SNX24: variants seen among roughly 807,000 people sequenced by gnomAD.
SNX24 encodes the protein sorting nexin 24.
In SNX24, 22 loss-of-function variants were observed where a neutral mutation model predicts 28.7. That is an observed-to-expected ratio of 0.77 (90% confidence interval 0.55 to 1.10). The LOEUF is 1.10. Among genes scored for constraint, SNX24 ranks in the 50% least tolerant of loss-of-function variants. The probability of loss-of-function intolerance (pLI) is 0.00; values close to 1 mark genes in which losing one functional copy is unlikely to be tolerated. For missense variants in SNX24, 221 were observed against 201.1 expected (o/e 1.10, Z -0.60); for synonymous variants, 69 against 71.5 (o/e 0.96, Z 0.18).
intron 1 of SNX24, among the ~76,000 whole-genome samples, chr5:122,880,982 A>T (rs1382557938): frequency 6.6e-6 from 1 of 152,178 alleles, no homozygotes; most frequent in Non-Finnish European, 1.5e-5. Context: ...CCTGAAACAC[A>T]TTCTGTGGTA....
chr5:123,008,061 ACT>A lies in SNX24; in HGVS notation c.*317_*318del, dbSNP rs199716744. The A allele has an allele frequency of 0.011, 11,636 of 1,067,978 alleles. 81 individuals are homozygous for A. The highest frequency in any genetic ancestry group is 0.012 in the Non-Finnish European group (10,856 of 882,990). The allele number at this position is 1,067,978 out of a possible 1,614,324, so 66.2% of individuals were successfully genotyped here. On this transcript the variant is annotated 3_prime_UTR_variant, in exon 7 of 7. Coordinates refer to ENST00000261369, the MANE Select transcript of SNX24 (RefSeq NM_014035.4). ...GCACTGGGTGTAGCAAAACAAAGCC[ACT>A]CTCTGCTTCAGTCGCACCATTTGCT...
downstream of SNX24, among the ~76,000 whole-genome samples, chr5:123,012,451 G>C (rs564240708): frequency 6.6e-6 from 1 of 152,170 alleles, no homozygotes; most frequent in Non-Finnish European, 1.5e-5. Flanking sequence ...AGTATCTAGC[G>C]TAGTCAAATT....
chr5:122,997,695 C>T (rs544954327), intron 3 of SNX24, among the ~76,000 whole-genome samples: 3 of 152,106 alleles, frequency 2.0e-5, no homozygotes, highest in Non-Finnish European at 4.4e-5. Context: ...GTCTAAAGAT[C>T]CTGGAAATTA....
At chr5:122,964,463 T>C (rs1258348539) in intron 3 of SNX24, among the ~76,000 whole-genome samples, 1 of 151,968 alleles carries the variant, frequency 6.6e-6, no homozygotes, top group Non-Finnish European at 1.5e-5. Flanking sequence ...GCCCATAATG[T>C]CAAAATTATA....
At chr5:123,029,189 A>G in intron 5 of SNX24, 2 of 1,558,064 alleles carry the variant, frequency 1.3e-6, no homozygotes. Context: ...AATAAAGTCA[A>G]ATGTGGTAAG....
chr5:122,896,268 C>T (rs1757198266), intron 1 of SNX24, among the ~76,000 whole-genome samples: 1 of 152,206 alleles, frequency 6.6e-6, no homozygotes, highest in Non-Finnish European at 1.5e-5. Context: ...CTATGGCAGA[C>T]ATTGATGATT....
chr5:122,939,673 C>T (rs995700675), intron 2 of SNX24, among the ~76,000 whole-genome samples: 11 of 152,160 alleles, frequency 7.2e-5, no homozygotes, highest in Non-Finnish European at 1.2e-4. Context: ...TTGTATTTTT[C>T]AAAATGTGAA....
chr5:122,969,145 T>C (rs1288292007), intron 3 of SNX24, among the ~76,000 whole-genome samples: 2 of 152,224 alleles, frequency 1.3e-5, no homozygotes, highest in African/African-American at 4.8e-5. Context: ...TTTTTGTTTA[T>C]AATTTATTTA....
chr5:122,872,733 TTTCTA>T (rs1283002030), intron 1 of SNX24, among the ~76,000 whole-genome samples: 1 of 152,080 alleles, frequency 6.6e-6, no homozygotes, highest in Non-Finnish European at 1.5e-5. Flanking sequence ...TCCCTTTTGT[TTTCTA>T]TTCACAGTCG....
intron 1 of SNX24, among the ~76,000 whole-genome samples, chr5:122,885,558 A>AGGAATTTGGGAT (rs1554069408): frequency 6.6e-6 from 1 of 151,320 alleles, no homozygotes; most frequent in East Asian, 1.9e-4. Context: ...TATATCTCTA[A>AGGAATTTGGGAT]GGAATTTGGG....
intron 1 of SNX24, among the ~76,000 whole-genome samples, chr5:122,851,367 T>A (rs548634490): frequency 3.3e-4 from 50 of 152,292 alleles, no homozygotes; most frequent in African/African-American, 1.2e-3. Context: ...AGTTTCATCA[T>A]GTTGGCCAGG....
chr5:122,959,761 A>G (rs1760393791), intron 3 of SNX24, among the ~76,000 whole-genome samples: 1 of 152,058 alleles, frequency 6.6e-6, no homozygotes. Context: ...GTCTGGGGTA[A>G]ATACTCGGGG....
chr5:122,942,357 C>G (rs976144719), intron 2 of SNX24, among the ~76,000 whole-genome samples: 3 of 152,208 alleles, frequency 2.0e-5, no homozygotes, highest in Non-Finnish European at 4.4e-5. Context: ...TGGGGTCAAA[C>G]CAGTAGCACA....
chr5:122,890,036 T>C (rs374357121), intron 1 of SNX24, among the ~76,000 whole-genome samples: 1 of 152,090 alleles, frequency 6.6e-6, no homozygotes, highest in Non-Finnish European at 1.5e-5. Context: ...TATGGCATTG[T>C]CATTTTTGTA....
chr5:122,859,272 A>G (rs76062891), intron 1 of SNX24, among the ~76,000 whole-genome samples: 1,804 of 149,256 alleles, frequency 0.012, 29 homozygotes, highest in Middle Eastern at 0.028. Flanking sequence ...GGAGTTGGAG[A>G]CCAGACTGCA....
intron 1 of SNX24, among the ~76,000 whole-genome samples, chr5:122,870,676 CAG>C (rs1185939357): frequency 3.9e-5 from 6 of 152,148 alleles, no homozygotes; most frequent in African/African-American, 9.7e-5. Flanking sequence ...TTCTTTAGGA[CAG>C]AGGGGAGACT....
intron 1 of SNX24, among the ~76,000 whole-genome samples, chr5:122,886,620 C>G (rs1756728413): frequency 6.6e-6 from 1 of 151,778 alleles, no homozygotes; most frequent in Non-Finnish European, 1.5e-5. Flanking sequence ...CGAGACCAGC[C>G]TGGCCAAGAG....
chr5:122,866,127 G>A (rs1251562530), intron 1 of SNX24, among the ~76,000 whole-genome samples: 1 of 152,196 alleles, frequency 6.6e-6, no homozygotes, highest in Non-Finnish European at 1.5e-5. Flanking sequence ...GTCACTGGTT[G>A]TGTGGTCATA....
chr5:122,906,436 A>G (rs568391358), intron 1 of SNX24, among the ~76,000 whole-genome samples: 1 of 152,332 alleles, frequency 6.6e-6, no homozygotes, highest in African/African-American at 2.4e-5. Flanking sequence ...GTATGAAGTG[A>G]AAGTATTTTG....
Sources: gnomAD v4.1 joint callset for allele counts (sites outside exome capture counted in the v4.1 genomes callset) on GRCh38, gnomAD v4.1.1 for gene constraint, MANE v1.5 for transcripts, NCBI Gene and HGNC (gene_info 2026-07-23, HGNC 2026-07-21) for gene names.